The following MAPT variants were observed in gnomAD, a reference collection of about 807,000 sequenced individuals.
The protein encoded by MAPT is microtubule-associated protein tau.
Under a neutral mutation model 67.9 loss-of-function variants are expected in MAPT, and 34 were observed. The ratio of observed to expected loss-of-function variants is 0.50; its 90% CI spans 0.38 to 0.67. MAPT has a LOEUF of 0.67. Among genes scored for constraint, MAPT ranks in the 30% least tolerant of loss-of-function variants. The pLI, the probability that MAPT is intolerant of heterozygous loss-of-function variation, is 0.00. For missense variants in MAPT, 881 were observed against 1,115.2 expected (o/e 0.79, Z 2.99); for synonymous variants, 456 against 464.5 (o/e 0.98, Z 0.23).
At chr17:45,899,658 T>C (rs1488231041) in intron 1 of MAPT, among the ~76,000 whole-genome samples, 1 of 152,204 alleles carries the variant, frequency 6.6e-6, no homozygotes, top group Non-Finnish European at 1.5e-5. Context: ...CAGTAGAATA[T>C]TGATTCCAAA....
At chr17:45,901,867 G>T (rs575899868) in intron 1 of MAPT, among the ~76,000 whole-genome samples, 1 of 147,100 alleles carries the variant, frequency 6.8e-6, no homozygotes, top group East Asian at 2.0e-4. Context: ...TGGATTTTGG[G>T]TTTACATTGT....
intron 1 of MAPT, among the ~76,000 whole-genome samples, chr17:45,914,244 G>T (rs2065015854): frequency 6.7e-6 from 1 of 149,136 alleles, no homozygotes; most frequent in Admixed American, 6.6e-5. Context: ...TCATGGGTCG[G>T]AGAGGAAGAC....
Position 45,996,056 on chromosome 17 carries a change from G to A in MAPT, c.1733-343G>A, listed in dbSNP as rs1206585695. On this transcript the variant is annotated intron_variant, in intron 8 of 12. Coordinates refer to ENST00000262410, the MANE Select transcript of MAPT (RefSeq NM_001377265.1). This position sits in a 1 kb window ranked among gnomAD's most constrained non-coding sequence, Gnocchi z 4.5. ...TTAAGGCCTCTGAGCTCAGAGAGGG[G>A]AAGTTACTTGTCTGAGGCCACACAG... 2.0e-5 allele frequency among the ~76,000 whole-genome samples: 3 copies of A among 152,198 alleles called. No homozygotes were observed. The highest frequency in any genetic ancestry group is 4.4e-5 in the Non-Finnish European group (3 of 68,030).
At chr17:45,984,244 T>C (rs569837418) in intron 5 of MAPT, among the ~76,000 whole-genome samples, 35 of 112,550 alleles carry the variant, frequency 3.1e-4, no homozygotes, top group Middle Eastern at 5.6e-3. Flanking sequence ...CACAGGAGGT[T>C]TGGTGGGTGC....
At chr17:46,000,696 C>G (rs1437358168) in intron 9 of MAPT, among the ~76,000 whole-genome samples, 1 of 152,184 alleles carries the variant, frequency 6.6e-6, no homozygotes, top group Non-Finnish European at 1.5e-5. Context: ...ACTGCTGACA[C>G]CTACCCTCAA....
chr17:45,955,742 C>A lies in MAPT; in HGVS notation c.-17-6579C>A, dbSNP rs59646721. 6.1e-4 allele frequency among the ~76,000 whole-genome samples: 89 copies of A among 146,710 alleles called. 2 individuals are homozygous for A. The East Asian group carries it at 0.016, about 26-fold the overall frequency. Reference sequence around the variant, plus strand: ...AAACACTCCTTCCTTTTTTTTTTTTCTTTTTCCTTTTTGAAAGGAGTCTCA... The same window carrying A: ...AAACACTCCTTCCTTTTTTTTTTTTATTTTTCCTTTTTGAAAGGAGTCTCA... On this transcript the variant is annotated intron_variant, in intron 1 of 12. Coordinates refer to ENST00000262410, the MANE Select transcript of MAPT (RefSeq NM_001377265.1).
At chr17:45,918,306 G>A (rs750823755) in intron 1 of MAPT, among the ~76,000 whole-genome samples, 5 of 152,150 alleles carry the variant, frequency 3.3e-5, no homozygotes, top group Non-Finnish European at 7.3e-5. Flanking sequence ...GATATGAGAT[G>A]CATTTACCTG....
At chr17:45,935,464 C>T (rs1223791837) in intron 1 of MAPT, among the ~76,000 whole-genome samples, 7 of 152,142 alleles carry the variant, frequency 4.6e-5, no homozygotes, top group East Asian at 1.9e-4. Flanking sequence ...CCCACCCCCT[C>T]GGAACTCAGA....
rs1318651440 is a variant in MAPT, at chr17:45,941,668, TTCCCCCCTTCCC to T, written c.-17-20649_-17-20638del. 3.9e-3 allele frequency among the ~76,000 whole-genome samples: 350 copies of T among 88,646 alleles called. 15 individuals carry two copies. The highest frequency in any genetic ancestry group is 0.017 in the African/African-American group (332 of 19,632). The allele number at this position is 88,646 out of a possible 152,430, so 58.2% of individuals were successfully genotyped here. A position where few individuals can be genotyped will look rare whatever the true frequency, so the allele number is the denominator to read the frequency against. ...CTTCCCCCCTTCCACCCTTCCCCCC[TTCCCCCCTTCCC>T]TCCTTCCTTCCTTCCTTCCTGCCTG... On this transcript the variant is annotated intron_variant, in intron 1 of 12. Coordinates refer to ENST00000262410, the MANE Select transcript of MAPT (RefSeq NM_001377265.1).
Position 45,995,458 on chromosome 17 carries a change from G to A in MAPT, c.1733-941G>A, listed in dbSNP as rs186255513. Among the ~76,000 whole-genome samples, 208 of 152,306 alleles carry A rather than the reference G, an allele frequency of 1.4e-3. No individual in the cohort carries two copies. Among genetic ancestry groups the A allele is most frequent in the African/African-American group, 4.8e-3 (200 of 41,538 alleles). On this transcript the variant is annotated intron_variant, in intron 8 of 12. Coordinates refer to ENST00000262410, the MANE Select transcript of MAPT (RefSeq NM_001377265.1). This position sits in a 1 kb window ranked among gnomAD's most constrained non-coding sequence, Gnocchi z 4.3. ...CCTTGAAAGCTCCGGAGATTCTGAC[G>A]CAGGGTTCCGTGGGCCACACTTTGG...
At chr17:46,006,392 A>G (rs1166883519) in intron 9 of MAPT, among the ~76,000 whole-genome samples, 1 of 152,122 alleles carries the variant, frequency 6.6e-6, no homozygotes, top group South Asian at 2.1e-4. Flanking sequence ...AATTAAACTC[A>G]TGGAGATAGA....
Position 45,995,989 on chromosome 17 carries a change from G to A in MAPT, c.1733-410G>A, listed in dbSNP as rs2074436315. Among the ~76,000 whole-genome samples the A allele has an allele frequency of 6.6e-6, 1 of 152,214 alleles. No individual in the cohort carries two copies. The highest frequency in any genetic ancestry group is 2.4e-5 in the African/African-American group (1 of 41,446). On this transcript the variant is annotated intron_variant, in intron 8 of 12. Transcript: ENST00000262410. The surrounding 1 kb of genome is among the most constrained non-coding windows in gnomAD (Gnocchi z 4.3). ...CAAAGCATATCTACCACCTCCTGGA[G>A]CCACGCTGGCCGCAGGGATTATAAT...
At position 45,983,871 on chromosome 17, in the gene MAPT, A is replaced by T; in HGVS notation, c.1292A>T (p.Glu431Val). 1 of 1,598,846 alleles carries T rather than the reference A, an allele frequency of 6.3e-7. No homozygotes were observed. The highest frequency in any genetic ancestry group is 8.5e-7 in the Non-Finnish European group (1 of 1,174,660). Reference sequence around the variant, plus strand: ...GAGGCTGACCTTCCAGAGCCCTCTGAAAAGCAGCCTGCTGCTGCTCCGCGG... The same window carrying T: ...GAGGCTGACCTTCCAGAGCCCTCTGTAAAGCAGCCTGCTGCTGCTCCGCGG... Reference protein sequence around the residue: ...TKEADLPEPSEKQPAAAPRGK... With the variant: ...TKEADLPEPSVKQPAAAPRGK... Residue 431 changes from glutamate to valine, a missense_variant, in exon 5 of 13, where the codon GAA (glutamate) becomes GTA (valine). Glu to Val is a moderately radical substitution (Grantham distance 121). This residue lies in a region of MAPT where 687 missense variants were observed against 766.1 expected (regional missense o/e 0.90). Coordinates refer to ENST00000262410, the MANE Select transcript of MAPT (RefSeq NM_001377265.1).
intron 1 of MAPT, among the ~76,000 whole-genome samples, chr17:45,902,072 C>G (rs2143797897): frequency 6.6e-6 from 1 of 152,190 alleles, no homozygotes; most frequent in East Asian, 1.9e-4. Flanking sequence ...CAGCTTGCAC[C>G]TTATTTTTTA....
chr17:45,976,134 C>T (rs1393526170), intron 3 of MAPT: 1 of 152,270 alleles, frequency 6.6e-6, no homozygotes, highest in East Asian at 1.9e-4. Context: ...TGACCTGTGC[C>T]CACATGGGGC....
chr17:45,978,691 G>A, intron 4 of MAPT: 1 of 517,524 alleles, frequency 1.9e-6, no homozygotes, highest in Non-Finnish European at 3.4e-6. Context: ...TCCAGCCTGG[G>A]AGTTGAGAAT....
rs967531797 is a variant in MAPT at position 46,010,184 on chromosome 17, A to G, written c.1999-126A>G. ...CTCTGCCAAGTCCGAAAGTGGAGGC[A>G]TCCTTGCGAGCAAGTAGGCGGGTCC... is the stretch of plus-strand genomic sequence containing the variant. On this transcript the variant is annotated intron_variant, in intron 9 of 12. Transcript: ENST00000262410. This position sits in a 1 kb window ranked among gnomAD's most constrained non-coding sequence, Gnocchi z 4.7. 2 of 728,832 alleles carry G rather than the reference A, an allele frequency of 2.7e-6. No homozygotes were observed. Among genetic ancestry groups the G allele is most frequent in the Admixed American group, 2.0e-5 (1 of 49,976 alleles). 45.1% of individuals were successfully genotyped at this position (728,832 alleles called of 1,614,324 possible).
intron 1 of MAPT, among the ~76,000 whole-genome samples, chr17:45,957,060 G>A (rs1281006576): frequency 5.3e-5 from 8 of 152,062 alleles, no homozygotes; most frequent in Non-Finnish European, 7.4e-5. Context: ...ATAAACATAC[G>A]TGTGCATGTG....
intron 1 of MAPT, among the ~76,000 whole-genome samples, chr17:45,901,875 T>C (rs887492348): frequency 6.6e-6 from 1 of 151,928 alleles, no homozygotes; most frequent in Non-Finnish European, 1.5e-5. Flanking sequence ...GGGTTTACAT[T>C]GTGGAGTCAT....
Sources: gnomAD v4.1 joint callset for allele counts (sites outside exome capture counted in the v4.1 genomes callset) on GRCh38, gnomAD v4.1.1 for gene constraint, gnomAD v4.1.1 regional missense constraint, Gnocchi (gnomAD v3.1) non-coding constraint, MANE v1.5 for transcripts, NCBI Gene and HGNC (gene_info 2026-07-23, HGNC 2026-07-21) for gene names.